CCDC171: variants seen among roughly 807,000 people sequenced by gnomAD.
CCDC171 encodes the protein coiled-coil domain-containing protein 171.
In CCDC171, 177 loss-of-function variants were observed where a neutral mutation model predicts 168.2. The ratio of observed to expected loss-of-function variants is 1.05; its 90% CI spans 0.93 to 1.19. The LOEUF is 1.19. Among genes scored for constraint, CCDC171 ranks in the 50% most tolerant of loss-of-function variants. CCDC171 has a pLI of 0.00. For synonymous variants in CCDC171, 687 were observed against 540.8 expected (o/e 1.27, Z -3.75); for missense variants, 1,991 against 1,539.0 (o/e 1.29, Z -4.91).
intron 4 of CCDC171, among the ~76,000 whole-genome samples, chr9:15,580,128 C>T (rs943496455): frequency 6.6e-6 from 1 of 152,078 alleles, no homozygotes; most frequent in Non-Finnish European, 1.5e-5. Flanking sequence ...GAAAGGACAC[C>T]CTATTCACCA....
rs542519372 is a variant in CCDC171 at position 16,058,465 on chromosome 9, T to G, written n.90-2181T>G. Among the ~76,000 whole-genome samples the G allele has an allele frequency of 2.0e-5, 3 of 152,288 alleles. No homozygotes were observed. In the South Asian group the frequency reaches 6.2e-4, roughly 32 times the overall value. ...TGCACAAGTCACCTCCCCGTCCAGA[T>G]GTGTTTGTGAGCATGAAGATTCTCC... On this transcript the variant is annotated intron_variant and non_coding_transcript_variant, in intron 1 of 1. Coordinates refer to the CCDC171 transcript ENST00000478913.
In CCDC171 at chr9:15,727,966, C is replaced by CTGT; in HGVS notation, c.1792_1793insTTG (p.Ser597_Glu598insVal). 2 of 1,613,326 alleles carry CTGT rather than the reference C, an allele frequency of 1.2e-6. No individual in the cohort carries two copies. Among genetic ancestry groups the CTGT allele is most frequent in the Non-Finnish European group, 1.7e-6 (2 of 1,179,634 alleles). On this transcript the variant is annotated inframe_insertion, in exon 15 of 26. Transcript: ENST00000380701. ...GGCATGCTGGATAAATTCTCTTGGT[C>CTGT]TGAGCTTTGTGCAGTCTTACAGGAG... is the stretch of plus-strand genomic sequence containing the variant.
chr9:15,667,246 A>G (rs1246554527), intron 9 of CCDC171, among the ~76,000 whole-genome samples: 1 of 152,200 alleles, frequency 6.6e-6, no homozygotes, highest in Admixed American at 6.5e-5. Flanking sequence ...AGTATGTGGC[A>G]TGATAATACA....
intron 7 of CCDC171, among the ~76,000 whole-genome samples, chr9:15,654,402 A>G (rs1022574432): frequency 6.6e-6 from 1 of 152,216 alleles, no homozygotes; most frequent in Non-Finnish European, 1.5e-5. Flanking sequence ...AGGTGCATCT[A>G]CAAAGGCCTC....
At chr9:15,639,743 C>T (rs1004253964) in intron 7 of CCDC171, among the ~76,000 whole-genome samples, 1 of 152,102 alleles carries the variant, frequency 6.6e-6, no homozygotes, top group African/African-American at 2.4e-5. Context: ...AGATGACTGG[C>T]ACAGAGAACT....
intron 10 of CCDC171, among the ~76,000 whole-genome samples, chr9:15,684,646 G>A (rs982363100): frequency 6.6e-6 from 1 of 152,090 alleles, no homozygotes. Context: ...AAGAGAAGAT[G>A]ATTATGAAAC....
At position 15,666,335 on chromosome 9, in the gene CCDC171, A is replaced by G. The variant is rs2048730829; in HGVS notation, c.1076+12A>G. ...GCAAAACTAAATTTGTAAGTATTCTATTGTAAAATTCTCTAAATTAACATA... is the reference window on the plus strand; with the variant it reads ...GCAAAACTAAATTTGTAAGTATTCTGTTGTAAAATTCTCTAAATTAACATA... On this transcript the variant is annotated intron_variant, in intron 9 of 25. Coordinates refer to ENST00000380701, the MANE Select transcript of CCDC171 (RefSeq NM_173550.4). 11 of 1,575,198 alleles carry G rather than the reference A, an allele frequency of 7.0e-6. No homozygotes were observed. Among genetic ancestry groups the G allele is most frequent in the African/African-American group, 1.4e-5 (1 of 73,532 alleles).
intron 3 of CCDC171, among the ~76,000 whole-genome samples, chr9:16,004,842 T>G (rs1422103713): frequency 6.6e-6 from 1 of 151,942 alleles, no homozygotes; most frequent in African/African-American, 2.4e-5. Context: ...TTGCAGGAAG[T>G]GGTAGATCTC....
At chr9:15,600,460 G>A (rs1376217876) in intron 6 of CCDC171, among the ~76,000 whole-genome samples, 1 of 152,166 alleles carries the variant, frequency 6.6e-6, no homozygotes, top group African/African-American at 2.4e-5. Context: ...AGATATTGGT[G>A]AACAGCCAAT....
chr9:15,632,460 A>G (rs2132316638), intron 7 of CCDC171, among the ~76,000 whole-genome samples: 1 of 152,268 alleles, frequency 6.6e-6, no homozygotes, highest in East Asian at 1.9e-4. Context: ...AATCCAACTT[A>G]CAAGGGATGT....
At chr9:16,055,006 G>C (rs1230270259) in intron 1 of CCDC171, among the ~76,000 whole-genome samples, 2 of 152,214 alleles carry the variant, frequency 1.3e-5, no homozygotes, top group Non-Finnish European at 2.9e-5. Context: ...GGAAGCTGCT[G>C]CGGTGGCCAG....
intron 25 of CCDC171, among the ~76,000 whole-genome samples, chr9:15,952,414 TAG>T (rs1457135715): frequency 6.6e-6 from 1 of 152,162 alleles, no homozygotes; most frequent in Non-Finnish European, 1.5e-5. Flanking sequence ...TTTGTTTTTT[TAG>T]AGACAGAGTC....
the CCDC171 span, among the ~76,000 whole-genome samples, chr9:16,077,712 C>T: frequency 1.3e-5 from 2 of 152,160 alleles, no homozygotes; most frequent in Non-Finnish European, 2.9e-5. Flanking sequence ...GAAAAAAAGC[C>T]TTTTGTTGCT....
intron 10 of CCDC171, among the ~76,000 whole-genome samples, chr9:15,694,063 A>C (rs921124607): frequency 6.6e-6 from 1 of 152,182 alleles, no homozygotes; most frequent in African/African-American, 2.4e-5. Flanking sequence ...TTTTGCTTCA[A>C]TTGGCATGAT....
At chr9:15,845,112 G>A (rs2060839367) in intron 21 of CCDC171, among the ~76,000 whole-genome samples, 4 of 152,044 alleles carry the variant, frequency 2.6e-5, no homozygotes, top group African/African-American at 4.8e-5. Flanking sequence ...TGTCAGAAAT[G>A]CTGACTTTAA....
At chr9:15,810,766 G>A (rs1327460938) in intron 21 of CCDC171, among the ~76,000 whole-genome samples, 1 of 152,204 alleles carries the variant, frequency 6.6e-6, no homozygotes, top group African/African-American at 2.4e-5. Context: ...CGCAGCCCTG[G>A]TTCCCGCCTG....
chr9:15,727,455 A>G (rs1307940636), intron 14 of CCDC171, among the ~76,000 whole-genome samples: 1 of 152,166 alleles, frequency 6.6e-6, no homozygotes, highest in Non-Finnish European at 1.5e-5. Context: ...AGTAGTATCT[A>G]TTTTGGCAAA....
chr9:15,829,778 G>A (rs902329327), intron 21 of CCDC171, among the ~76,000 whole-genome samples: 4 of 152,002 alleles, frequency 2.6e-5, no homozygotes, highest in African/African-American at 9.7e-5. Context: ...AAATTAGCCA[G>A]GTGTGGTTAC....
At chr9:15,720,875 TTC>T (rs2053434067) in intron 11 of CCDC171, among the ~76,000 whole-genome samples, 3 of 152,220 alleles carry the variant, frequency 2.0e-5, no homozygotes, top group Admixed American at 6.5e-5. Flanking sequence ...GTGTGTGATG[TTC>T]TCTTTCCTGT....
Sources: allele counts gnomAD v4.1 joint callset (sites outside exome capture counted in the v4.1 genomes callset), GRCh38; gene constraint gnomAD v4.1.1; transcripts MANE v1.5; gene names NCBI Gene and HGNC (gene_info 2026-07-23, HGNC 2026-07-21).